INPP5D: variants seen among roughly 807,000 people sequenced by gnomAD.
The protein encoded by INPP5D is inositol polyphosphate-5-phosphatase D.
In INPP5D, 33 loss-of-function variants were observed where a neutral mutation model predicts 122.9. The observed-to-expected ratio is 0.27, with a 90% CI of 0.20 to 0.36. INPP5D has a LOEUF of 0.36. Among genes scored for constraint, INPP5D ranks in the 10% least tolerant of loss-of-function variants. INPP5D has a pLI of 1.00. For missense variants in INPP5D, 1,053 were observed against 1,412.7 expected, an observed-to-expected ratio of 0.75 and a Z score of 4.08; for synonymous variants, 584 against 576.2, an observed-to-expected ratio of 1.01 and a Z score of -0.19.
chr2:233,087,719 A>G (rs1369928962), intron 2 of INPP5D, among the ~76,000 whole-genome samples: 1 of 152,214 alleles, frequency 6.6e-6, no homozygotes, highest in African/African-American at 2.4e-5. Flanking sequence ...ATAAATACTT[A>G]TTGAATGAAT....
chr2:233,065,880 C>T (rs901890781), intron 1 of INPP5D, among the ~76,000 whole-genome samples: 28 of 151,326 alleles, frequency 1.9e-4, no homozygotes, highest in African/African-American at 3.9e-4. Context: ...CTCCTGACCT[C>T]GTGATCCACC....
chr2:233,198,906 C>T (rs544457551), intron 25 of INPP5D, among the ~76,000 whole-genome samples: 40 of 149,764 alleles, frequency 2.7e-4, no homozygotes, highest in South Asian at 1.5e-3. Context: ...GCCGAGATTG[C>T]GCCACTGCAC....
At chr2:233,192,729 CA>C (rs1695085431) in intron 22 of INPP5D, among the ~76,000 whole-genome samples, 1 of 152,154 alleles carries the variant, frequency 6.6e-6, no homozygotes. Flanking sequence ...TATTATTCTT[CA>C]GCTACATTTT....
At chr2:233,127,691 C>A (rs1185331923) in intron 4 of INPP5D, among the ~76,000 whole-genome samples, 1 of 152,202 alleles carries the variant, frequency 6.6e-6, no homozygotes, top group Non-Finnish European at 1.5e-5. Flanking sequence ...TCACTGCAAC[C>A]TCCCCCTCCC....
At chr2:233,066,379 G>T (rs903415484) in intron 1 of INPP5D, among the ~76,000 whole-genome samples, 4 of 152,194 alleles carry the variant, frequency 2.6e-5, no homozygotes, top group Non-Finnish European at 5.9e-5. Context: ...GAGGAGCTCT[G>T]CTCTTCCCTC....
At chr2:233,174,317 T>C (rs1694565363) in intron 17 of INPP5D, among the ~76,000 whole-genome samples, 2 of 152,232 alleles carry the variant, frequency 1.3e-5, no homozygotes, top group Non-Finnish European at 2.9e-5. Flanking sequence ...ATGTGAGTAA[T>C]GTGTTGCGCT....
chr2:233,087,241 T>G (rs1034863798), intron 2 of INPP5D, among the ~76,000 whole-genome samples: 1 of 152,218 alleles, frequency 6.6e-6, no homozygotes, highest in Non-Finnish European at 1.5e-5. Context: ...CACCCCACCC[T>G]TCACCTGTTG....
chr2:233,206,984 G>C lies in INPP5D; in HGVS notation c.*276G>C, dbSNP rs982814538. 3 of 433,490 alleles carry C rather than the reference G, an allele frequency of 6.9e-6. No individual in the cohort carries two copies. The highest frequency in any genetic ancestry group is 6.1e-5 in the African/African-American group (3 of 48,996). 26.9% of individuals were successfully genotyped at this position (433,490 alleles called of 1,614,324 possible). A position where few individuals can be genotyped will look rare whatever the true frequency, so the allele number is the denominator to read the frequency against. ...TTGGTACTTGGGACCCCAGTGCCTC[G>C]TTGAGGGCGCCATTCTGAAGAAAGG... is the stretch of plus-strand genomic sequence containing the variant. On this transcript the variant is annotated 3_prime_UTR_variant, in exon 27 of 27. Coordinates refer to ENST00000445964, the MANE Select transcript of INPP5D (RefSeq NM_001017915.3). The surrounding 1 kb of genome is among the most constrained non-coding windows in gnomAD (Gnocchi z 4.0).
chr2:233,130,742 C>CAAAT (rs1255897434), intron 5 of INPP5D, 94 bp downstream of exon 5: 6 of 1,299,688 alleles, frequency 4.6e-6, no homozygotes, highest in Non-Finnish European at 6.6e-6. Context: ...CCTGGCTGAA[C>CAAAT]AAATGCCTCT....
chr2:233,089,754 A>G (rs1392583847), intron 2 of INPP5D, among the ~76,000 whole-genome samples: 1 of 152,224 alleles, frequency 6.6e-6, no homozygotes, highest in African/African-American at 2.4e-5. Flanking sequence ...ACTGAACAAC[A>G]GCCACCCTCA....
At chr2:233,167,207 CA>C (rs565735597) in intron 13 of INPP5D, among the ~76,000 whole-genome samples, 37,179 of 102,006 alleles carry the variant, frequency 0.36, 6,268 homozygotes, top group Non-Finnish European at 0.46. Flanking sequence ...ACCATTTCTA[CA>C]AAAAAAAAAA....
At position 233,206,028 on chromosome 2, in the gene INPP5D, G is replaced by A. The variant is rs1212134154; in HGVS notation, c.3568-678G>A. On this transcript the variant is annotated intron_variant, in intron 26 of 26. Transcript: ENST00000445964. The surrounding 1 kb of genome is among the most constrained non-coding windows in gnomAD (Gnocchi z 4.0). ...CAGGAGGCGGAGGTTGCAGTGAACC[G>A]AGATCGCAACACTGCACTCCAGCCT... is the stretch of plus-strand genomic sequence containing the variant. Among the ~76,000 whole-genome samples, 1 of 152,082 alleles carries A rather than the reference G, an allele frequency of 6.6e-6. No homozygotes were observed. Among genetic ancestry groups the A allele is most frequent in the Non-Finnish European group, 1.5e-5 (1 of 68,010 alleles).
chr2:233,102,860 AAAAACAACC>A (rs1297103945), intron 2 of INPP5D, among the ~76,000 whole-genome samples: 1 of 150,654 alleles, frequency 6.6e-6, no homozygotes, highest in African/African-American at 2.4e-5. Flanking sequence ...AAAAAAAAAA[AAAAACAACC>A]AAAAAACCAC....
intron 2 of INPP5D, among the ~76,000 whole-genome samples, chr2:233,108,746 C>T (rs1692530056): frequency 6.6e-6 from 1 of 152,192 alleles, no homozygotes; most frequent in Non-Finnish European, 1.5e-5. Flanking sequence ...TGCTCCCTCC[C>T]AGGGCAGCAC....
intron 2 of INPP5D, among the ~76,000 whole-genome samples, chr2:233,081,940 G>A (rs568755170): frequency 2.0e-5 from 3 of 152,300 alleles, no homozygotes; most frequent in South Asian, 2.1e-4. Flanking sequence ...TGAATCGGCT[G>A]TCTTGGAGCA....
At chr2:233,154,204 A>G (rs548292040) in intron 9 of INPP5D, among the ~76,000 whole-genome samples, 1 of 152,222 alleles carries the variant, frequency 6.6e-6, no homozygotes, top group African/African-American at 2.4e-5. Context: ...GCTGGAGTGC[A>G]ATGGCGCGAT....
rs778437754 is a variant in INPP5D, at chr2:233,170,013, T to A, written c.1653-13T>A. The A allele has an allele frequency of 8.7e-6, 14 of 1,613,918 alleles. No homozygotes were observed. In the South Asian group the frequency reaches 1.5e-4, roughly 18 times the overall value. ...TGACCCCGTGCTAGATGGCCGCTTT[T>A]TCCTTGCATTAGGCGAAACCAAAAC... On this transcript the variant is annotated splice_polypyrimidine_tract_variant and intron_variant, in intron 14 of 26. Coordinates refer to ENST00000445964, the MANE Select transcript of INPP5D (RefSeq NM_001017915.3). The surrounding 1 kb of genome is among the most constrained non-coding windows in gnomAD (Gnocchi z 4.5).
rs1421489150 is a variant in INPP5D at position 233,100,611 on chromosome 2, A to T, written c.198+21213A>T. Among the ~76,000 whole-genome samples the T allele has an allele frequency of 6.6e-6, 1 of 152,112 alleles. No homozygotes were observed. On this transcript the variant is annotated intron_variant, in intron 2 of 26. Coordinates refer to ENST00000445964, the MANE Select transcript of INPP5D (RefSeq NM_001017915.3). This position sits in a 1 kb window ranked among gnomAD's most constrained non-coding sequence, Gnocchi z 5.3. ...CCCCCGGTTGAGCTCGCTCACCCAG[A>T]GCTCTCTCTCTTCCCTGGGATGAGG...
intron 2 of INPP5D, among the ~76,000 whole-genome samples, chr2:233,120,223 C>T (rs1214655320): frequency 1.3e-5 from 2 of 152,216 alleles, no homozygotes; most frequent in Non-Finnish European, 2.9e-5. Context: ...GTGGCTTACA[C>T]CTGTAATCCC....
Sources: allele counts gnomAD v4.1 joint callset (sites outside exome capture counted in the v4.1 genomes callset), GRCh38; gene constraint gnomAD v4.1.1; non-coding constraint Gnocchi (gnomAD v3.1); transcripts MANE v1.5; gene names NCBI Gene and HGNC (gene_info 2026-07-23, HGNC 2026-07-21).